Variants in RBM10 observed in about 807,000 individuals in gnomAD.
RBM10 encodes the protein RNA-binding protein 10.
A neutral mutation model predicts 84.9 loss-of-function variants in RBM10; 1 was observed. The observed-to-expected ratio is 0.01, with a 90% CI of 0.00 to 0.06. The LOEUF (loss-of-function observed/expected upper bound fraction) is 0.06, where lower values mean the gene tolerates loss of function less well. Among genes scored for constraint, RBM10 ranks in the 10% least tolerant of loss-of-function variants. The pLI is 1.00. For missense variants in RBM10, 438 were observed against 839.0 expected, an observed-to-expected ratio of 0.52 and a Z score of 5.90; for synonymous variants, 326 against 344.5, an observed-to-expected ratio of 0.95 and a Z score of 0.60.
intron 2 of RBM10, among the ~76,000 whole-genome samples, chrX:47,162,886 G>T (rs1334890136): frequency 1.8e-5 from 2 of 109,087 alleles, no homozygotes; most frequent in African/African-American, 3.3e-5. Context: ...AAAAAATAGA[G>T]TATGGAGAGA....
intron 5 of RBM10, among the ~76,000 whole-genome samples, chrX:47,173,582 G>A (rs968560018): frequency 2.7e-5 from 3 of 111,794 alleles, no homozygotes; most frequent in Admixed American, 1.9e-4. Context: ...ACATTTTTTG[G>A]TAACAGCCTC....
intron 2 of RBM10, among the ~76,000 whole-genome samples, chrX:47,150,961 T>C (rs897177315): frequency 1.2e-4 from 13 of 112,381 alleles, no homozygotes; most frequent in African/African-American, 3.9e-4. Context: ...TTTTGAAATT[T>C]ATGTAAAGAG....
intron 2 of RBM10, among the ~76,000 whole-genome samples, chrX:47,153,508 T>C (rs1932878827): frequency 8.9e-6 from 1 of 112,094 alleles, no homozygotes; most frequent in Admixed American, 9.5e-5. Context: ...TCAGTTTGGA[T>C]TTTTCTGATG....
At chrX:47,151,320 A>AT (rs1932788405) in intron 2 of RBM10, among the ~76,000 whole-genome samples, 1 of 111,458 alleles carries the variant, frequency 9.0e-6, no homozygotes, top group Non-Finnish European at 1.9e-5. Flanking sequence ...CCATTATCTT[A>AT]TTTTTTAAAA....
rs1388916261 is a variant in RBM10, at chrX:47,181,976, G to C, written c.1719G>C (p.Gln573His). The change falls in exon 16 of 24, where the codon CAG becomes CAC. Residue 573 changes from glutamine (Q) to histidine (H), a missense_variant. Gln to His is a conservative substitution (Grantham distance 24). This residue lies in a region of RBM10 where 39 missense variants were observed against 119.5 expected (regional missense o/e 0.33). Coordinates refer to ENST00000377604, the MANE Select transcript of RBM10 (RefSeq NM_005676.5). ...CTGTTCCCGACGTCTCTACCTACCAGTACGATGAGACCTCCGGCTACTACT... is the reference window on the plus strand; with the variant it reads ...CTGTTCCCGACGTCTCTACCTACCACTACGATGAGACCTCCGGCTACTACT... Reference protein sequence around the residue: ...QYPVPDVSTYQYDETSGYYYD... With the variant: ...QYPVPDVSTYHYDETSGYYYD... The C allele has an allele frequency of 3.3e-6, 4 of 1,209,032 alleles. No individual in the cohort carries two copies. In the Admixed American group the frequency reaches 8.8e-5, roughly 27 times the overall value.
At chrX:47,165,779 T>C (rs1462102247) in intron 2 of RBM10, among the ~76,000 whole-genome samples, 3 of 111,113 alleles carry the variant, frequency 2.7e-5, no homozygotes, top group African/African-American at 9.8e-5. Context: ...CCCAGCATTT[T>C]GGGAGACCAA....
chrX:47,157,419 G>T, intron 2 of RBM10: 1 of 344,666 alleles, frequency 2.9e-6, no homozygotes. Context: ...AGCCACTCTA[G>T]TTTTGCACAT....
At chrX:47,173,451 G>A (rs1289631682) in intron 5 of RBM10, among the ~76,000 whole-genome samples, 1 of 112,309 alleles carries the variant, frequency 8.9e-6, no homozygotes, top group South Asian at 3.7e-4. Context: ...TGGGGTCAGG[G>A]CCAGGGCCAG....
rs1411341454 is a variant in RBM10, at chrX:47,177,280, G to A, written c.663+694G>A. Among the ~76,000 whole-genome samples, 4 of 112,639 alleles carry A rather than the reference G, an allele frequency of 3.6e-5. No homozygotes were observed. The East Asian group carries it at 1.1e-3, about 32-fold the overall frequency. ...ACCTGAAACTGGAGGCTGTGGTTTT[G>A]TAGTCACCTCTGTCTTCCCTGAGGG... is the stretch of plus-strand genomic sequence containing the variant. On this transcript the variant is annotated intron_variant, in intron 7 of 23. Transcript: ENST00000377604.
chrX:47,158,550 C>T (rs940314891), intron 2 of RBM10, among the ~76,000 whole-genome samples: 2 of 112,253 alleles, frequency 1.8e-5, no homozygotes, highest in Non-Finnish European at 3.8e-5. Flanking sequence ...TGTAGGTGTG[C>T]ACCACCATGC....
rs2147213934 is a variant in RBM10 at position 47,185,354 on chromosome X, G to A, written c.2153G>A (p.Ser718Asn). Residue 718 changes from serine (S) to asparagine (N), a missense_variant, in exon 19 of 24, where the codon AGT (serine) becomes AAT (asparagine). Around this residue, in one of 8 missense-constraint regions of RBM10, gnomAD observed 21 missense variants for 16.1 expected, o/e 1.30. Coordinates refer to ENST00000377604, the MANE Select transcript of RBM10 (RefSeq NM_005676.5). The part of the protein sequence containing the change: ...HTSMDLPKLA[S>N]DDRPSPPRGL... Reference sequence around the variant, plus strand: ...AGCATGGATCTCCCGAAATTGGCCAGTGACGACCGCCCAGTGAGTGCCCAA... The same window carrying A: ...AGCATGGATCTCCCGAAATTGGCCAATGACGACCGCCCAGTGAGTGCCCAA... 3.3e-6 allele frequency: 4 copies of A among 1,203,630 alleles called. No individual in the cohort carries two copies. The highest frequency in any genetic ancestry group is 4.5e-6 in the Non-Finnish European group (4 of 891,233).
At position 47,153,586 on chromosome X, in the gene RBM10, A is replaced by G. The variant is rs190412041; in HGVS notation, c.17+6088A>G. On this transcript the variant is annotated intron_variant, in intron 2 of 23. Coordinates refer to ENST00000377604, the MANE Select transcript of RBM10 (RefSeq NM_005676.5). ...ATGTATATTTTTAAAACCTTGTTAG[A>G]TTTTATTAGCCATTGTATCATCTAG... Among the ~76,000 whole-genome samples the G allele has an allele frequency of 3.5e-4, 39 of 111,937 alleles. 1 individual carries two copies. The highest frequency in any genetic ancestry group is 1.3e-3 in the African/African-American group (39 of 30,862).
intron 2 of RBM10, among the ~76,000 whole-genome samples, chrX:47,162,686 C>T (rs1933822327): frequency 7.3e-5 from 8 of 109,502 alleles, no homozygotes; most frequent in Admixed American, 4.9e-4. Context: ...CCAGCCTGGC[C>T]AACATGATGA....
At chrX:47,176,656 CCTCTCCCGCTCTTT>C in intron 7 of RBM10, 70 bp downstream of exon 7, 1 of 1,193,463 alleles carries the variant, frequency 8.4e-7, no homozygotes, top group South Asian at 1.8e-5. Context: ...TCTCTCCCTT[CCTCTCCCGCTCTTT>C]CTCCCTCCAT....
chrX:47,170,382 G>A (rs1423999846), intron 3 of RBM10, among the ~76,000 whole-genome samples: 1 of 113,528 alleles, frequency 8.8e-6, no homozygotes, highest in East Asian at 2.8e-4. Flanking sequence ...TTGGCCCCAG[G>A]CCTGCTCTGC....
chrX:47,168,164 C>T (rs782526986), intron 2 of RBM10, among the ~76,000 whole-genome samples: 17 of 111,635 alleles, frequency 1.5e-4, no homozygotes, highest in African/African-American at 4.2e-4. Context: ...AATTGTTGAG[C>T]GCCTACTGAG....
intron 2 of RBM10, among the ~76,000 whole-genome samples, chrX:47,165,818 G>A (rs1934149296): frequency 9.0e-6 from 1 of 110,968 alleles, no homozygotes; most frequent in South Asian, 3.7e-4. Context: ...TCAGGAGTTC[G>A]AGACCAGCCT....
intron 17 of RBM10, among the ~76,000 whole-genome samples, chrX:47,183,061 C>A (rs943794988): frequency 2.7e-5 from 3 of 112,376 alleles, no homozygotes; most frequent in Non-Finnish European, 5.6e-5. Flanking sequence ...GCTCACAGTT[C>A]TGTAGGCAGG....
At chrX:47,149,310 G>T (rs896245717) in intron 2 of RBM10, among the ~76,000 whole-genome samples, 1 of 103,181 alleles carries the variant, frequency 9.7e-6, no homozygotes, top group Non-Finnish European at 2.0e-5. Flanking sequence ...GGCATGAGCC[G>T]CTGTAACTGG....
Sources: gnomAD v4.1 joint callset for allele counts (sites outside exome capture counted in the v4.1 genomes callset) on GRCh38, gnomAD v4.1.1 for gene constraint, gnomAD v4.1.1 regional missense constraint, MANE v1.5 for transcripts, NCBI Gene and HGNC (gene_info 2026-07-23, HGNC 2026-07-21) for gene names.